The following PDZD2 variants were observed in gnomAD, a reference collection of about 807,000 sequenced individuals.
The protein encoded by PDZD2 is PDZ domain containing 2, also known as PDZ domain-containing protein 2.
In PDZD2, 90 loss-of-function variants were observed where a neutral mutation model predicts 220.7. The ratio of observed to expected loss-of-function variants is 0.41; its 90% CI spans 0.34 to 0.49. The LOEUF is 0.49. Ranked by LOEUF, PDZD2 falls within the 20% of genes least tolerant of loss-of-function variation. The probability of loss-of-function intolerance (pLI) is 0.28; values close to 1 mark genes in which losing one functional copy is unlikely to be tolerated. For missense variants in PDZD2, 3,174 were observed against 3,608.5 expected, an observed-to-expected ratio of 0.88 and a Z score of 3.08; for synonymous variants, 1,375 against 1,450.5, an observed-to-expected ratio of 0.95 and a Z score of 1.18.
At chr5:31,713,187 AT>A (rs1748231688) in intron 1 of PDZD2, among the ~76,000 whole-genome samples, 1 of 152,200 alleles carries the variant, frequency 6.6e-6, no homozygotes, top group Non-Finnish European at 1.5e-5. Context: ...AGACAGGTAT[AT>A]TCATTGGTCT....
At chr5:32,014,560 C>G (rs1317219257) in intron 6 of PDZD2, among the ~76,000 whole-genome samples, 2 of 152,066 alleles carry the variant, frequency 1.3e-5, no homozygotes, top group East Asian at 3.9e-4. Context: ...CCCACTGTCA[C>G]CACCACCACA....
intron 6 of PDZD2, among the ~76,000 whole-genome samples, chr5:32,031,977 G>A (rs926899873): frequency 2.1e-4 from 32 of 152,292 alleles, no homozygotes; most frequent in Admixed American, 1.1e-3. Context: ...CACCTCCTGT[G>A]CTTATAGTTT....
At chr5:31,808,999 A>G (rs1754915372) in intron 2 of PDZD2, among the ~76,000 whole-genome samples, 1 of 152,114 alleles carries the variant, frequency 6.6e-6, no homozygotes, top group Non-Finnish European at 1.5e-5. Context: ...AAATAATAAA[A>G]ATAACTAATG....
At chr5:32,003,350 CCACACA>C (rs1561318088) in intron 5 of PDZD2, among the ~76,000 whole-genome samples, 1 of 41,708 alleles carries the variant, frequency 2.4e-5, no homozygotes, top group African/African-American at 1.0e-4. Context: ...CACACACACA[CCACACA>C]CCACACCACA....
chr5:32,012,246 A>G (rs1258638015), intron 6 of PDZD2, among the ~76,000 whole-genome samples: 4 of 152,176 alleles, frequency 2.6e-5, no homozygotes, highest in African/African-American at 9.7e-5. Context: ...TTCAGTGGAA[A>G]GCTAAGTAAG....
At chr5:31,880,777 T>C (rs1739790848) in intron 2 of PDZD2, among the ~76,000 whole-genome samples, 1 of 141,354 alleles carries the variant, frequency 7.1e-6, no homozygotes, top group Admixed American at 7.2e-5. Flanking sequence ...GAAAGGTAGC[T>C]TTCTTTTTTT....
intron 1 of PDZD2, among the ~76,000 whole-genome samples, chr5:31,661,180 C>T (rs892780671): frequency 2.0e-5 from 3 of 152,120 alleles, no homozygotes; most frequent in Non-Finnish European, 2.9e-5. Context: ...GTCCTGGCTT[C>T]GGAGGTTCTG....
chr5:32,024,920 T>C (rs2112158618), intron 6 of PDZD2, among the ~76,000 whole-genome samples: 1 of 152,304 alleles, frequency 6.6e-6, no homozygotes, highest in South Asian at 2.1e-4. Context: ...CCAGTAAAAC[T>C]TGACAAAAAC....
rs181828257 is a variant in PDZD2, at chr5:31,650,818, T to C, written c.-361+11381T>C. ...TTCCTTACACATGAAGACTTTTATG[T>C]AGTTTGGTCTTTTCGGCCTCCGCGT... is the stretch of plus-strand genomic sequence containing the variant. On this transcript the variant is annotated intron_variant, in intron 1 of 24. Transcript: ENST00000438447. Among the ~76,000 whole-genome samples, 185 of 152,328 alleles carry C rather than the reference T, an allele frequency of 1.2e-3. 2 individuals carry two copies. The highest frequency in any genetic ancestry group is 6.8e-3 in the Middle Eastern group (2 of 294).
At position 32,089,821 on chromosome 5, in the gene PDZD2, C is replaced by G; in HGVS notation, c.6373C>G (p.Gln2125Glu). The G allele has an allele frequency of 6.2e-7, 1 of 1,613,956 alleles. No homozygotes were observed. The highest frequency in any genetic ancestry group is 8.5e-7 in the Non-Finnish European group (1 of 1,179,888). Residue 2125 changes from glutamine (Q) to glutamate (E), a missense_variant, in exon 20 of 25, where the codon CAG (glutamine) becomes GAG (glutamate). Gln to Glu is a conservative substitution (Grantham distance 29). Transcript: ENST00000438447. Reference protein sequence around the residue: ...RGGCLAQGNCQEKSEIRLYRQ... With the variant: ...RGGCLAQGNCEEKSEIRLYRQ... ...AGGGTGCTTGGCCCAGGGCAACTGT[C>G]AGGAGAAGAGTGAAATCAGGCTCTA...
chr5:31,699,781 G>GTT lies in PDZD2; in HGVS notation c.-361+60353_-361+60354dup, dbSNP rs11370810. Among the ~76,000 whole-genome samples, 205 of 142,110 alleles carry GTT rather than the reference G, an allele frequency of 1.4e-3. 2 individuals are homozygous for GTT. Among genetic ancestry groups the GTT allele is most frequent in the East Asian group, 3.6e-3 (17 of 4,788 alleles). The allele number at this position is 142,110 out of a possible 152,430, so 93.2% of individuals were successfully genotyped here. On this transcript the variant is annotated intron_variant, in intron 1 of 24. Coordinates refer to ENST00000438447, the MANE Select transcript of PDZD2 (RefSeq NM_178140.4). ...CATGCCTGGCTGTTTTTTTTTGTTT[G>GTT]TTTTTTTTTTGTTTTTTTTTTGGTA...
chr5:31,992,232 G>A (rs1751275928), intron 3 of PDZD2, among the ~76,000 whole-genome samples: 1 of 152,092 alleles, frequency 6.6e-6, no homozygotes, highest in Non-Finnish European at 1.5e-5. Flanking sequence ...TCGGATAAAA[G>A]TGAAAAAGAA....
At chr5:31,737,152 C>G (rs1474431859) in intron 1 of PDZD2, among the ~76,000 whole-genome samples, 1 of 146,460 alleles carries the variant, frequency 6.8e-6, no homozygotes, top group Non-Finnish European at 1.5e-5. Flanking sequence ...TATGGAATGT[C>G]AGAGCAGTCT....
chr5:31,909,713 C>G (rs140359711), intron 2 of PDZD2, among the ~76,000 whole-genome samples: 1,664 of 152,138 alleles, frequency 0.011, 27 homozygotes, highest in African/African-American at 0.038. Flanking sequence ...TAATTAAAAT[C>G]ACATTTAAAA....
intron 2 of PDZD2, among the ~76,000 whole-genome samples, chr5:31,807,136 A>G (rs767675332): frequency 2.2e-4 from 34 of 152,070 alleles, no homozygotes; most frequent in Non-Finnish European, 5.0e-4. Context: ...GGGTTTCACC[A>G]TGTTGGCCAG....
At position 32,014,972 on chromosome 5, in the gene PDZD2, C is replaced by T. The variant is rs180956500; in HGVS notation, c.1407+4490C>T. Among the ~76,000 whole-genome samples, 208 of 115,848 alleles carry T rather than the reference C, an allele frequency of 1.8e-3. 4 individuals are homozygous for T. The East Asian group carries it at 0.022, about 12-fold the overall frequency. The allele number at this position is 115,848 out of a possible 152,430, so 76.0% of individuals were successfully genotyped here. A position where few individuals can be genotyped will look rare whatever the true frequency, so the allele number is the denominator to read the frequency against. ...TTTTTTTTTTTTTGAGACGGAGTCT[C>T]ACTCTGTCGCCCAGGCTGGAGTGTA... On this transcript the variant is annotated intron_variant, in intron 6 of 24. Transcript: ENST00000438447.
intron 1 of PDZD2, among the ~76,000 whole-genome samples, chr5:31,640,431 C>T (rs1744905806): frequency 6.6e-6 from 1 of 152,226 alleles, no homozygotes; most frequent in Admixed American, 6.5e-5. Context: ...TGCAGCTGGC[C>T]TAACCTCTTG....
At chr5:31,709,356 T>G (rs1040834587) in intron 1 of PDZD2, among the ~76,000 whole-genome samples, 1 of 151,516 alleles carries the variant, frequency 6.6e-6, no homozygotes, top group Non-Finnish European at 1.5e-5. Context: ...GGCATGGTGG[T>G]GCATGCCTGT....
intron 16 of PDZD2, 33 bp downstream of exon 16, chr5:32,071,451 CA>C (rs1740731609): frequency 1.3e-6 from 2 of 1,556,626 alleles, no homozygotes; most frequent in African/African-American, 2.7e-5. Context: ...CTGCCTCCCT[CA>C]GCTGGACCAC....
Sources: allele counts gnomAD v4.1 joint callset (sites outside exome capture counted in the v4.1 genomes callset), GRCh38; gene constraint gnomAD v4.1.1; transcripts MANE v1.5; gene names NCBI Gene and HGNC (gene_info 2026-07-23, HGNC 2026-07-21).